KCND3: variants seen among roughly 807,000 people sequenced by gnomAD.
The protein encoded by KCND3 is potassium voltage-gated channel subfamily D member 3.
In KCND3, 9 loss-of-function variants were observed where a neutral mutation model predicts 51.1. That is an observed-to-expected ratio of 0.18 (90% CI 0.11 to 0.31). The LOEUF (loss-of-function observed/expected upper bound fraction) is 0.31, where lower values mean the gene tolerates loss of function less well. Ranked by LOEUF, KCND3 falls within the 10% of genes least tolerant of loss-of-function variation. KCND3 has a pLI of 1.00. For synonymous variants in KCND3, 349 were observed against 368.0 expected, an observed-to-expected ratio of 0.95 and a Z score of 0.59; for missense variants, 526 against 903.8, an observed-to-expected ratio of 0.58 and a Z score of 5.36.
intron 2 of KCND3, among the ~76,000 whole-genome samples, chr1:111,830,604 G>A (rs1204335561): frequency 6.6e-6 from 1 of 152,218 alleles, no homozygotes; most frequent in Admixed American, 6.5e-5. Context: ...GCGCCCTGCT[G>A]TGTAAGGCTG....
At chr1:111,875,246 T>C (rs986478928) in intron 2 of KCND3, among the ~76,000 whole-genome samples, 3 of 152,188 alleles carry the variant, frequency 2.0e-5, no homozygotes, top group Non-Finnish European at 4.4e-5. Context: ...AAATAATAAA[T>C]CAAATGTTTT....
intron 2 of KCND3, among the ~76,000 whole-genome samples, chr1:111,978,182 C>G (rs1309528069): frequency 6.6e-6 from 1 of 152,206 alleles, no homozygotes; most frequent in South Asian, 2.1e-4. Flanking sequence ...ACCTGAGTAA[C>G]TCATCAACGA....
At chr1:111,849,262 G>C (rs1054938444) in intron 2 of KCND3, among the ~76,000 whole-genome samples, 2 of 152,204 alleles carry the variant, frequency 1.3e-5, no homozygotes, top group Non-Finnish European at 1.5e-5. Flanking sequence ...CCCTTTTCCT[G>C]GTGAGCAGAA....
intron 2 of KCND3, among the ~76,000 whole-genome samples, chr1:111,876,067 C>T (rs183174042): frequency 2.4e-4 from 36 of 152,328 alleles, no homozygotes; most frequent in Non-Finnish European, 4.7e-4. Context: ...CACTACTCAA[C>T]TCGCAGGGAA....
intron 2 of KCND3, among the ~76,000 whole-genome samples, chr1:111,875,540 A>G (rs939066624): frequency 9.9e-5 from 15 of 152,236 alleles, no homozygotes; most frequent in Admixed American, 5.2e-4. Context: ...TGGGTCCCCA[A>G]GGGGACCCTG....
intron 2 of KCND3, among the ~76,000 whole-genome samples, chr1:111,801,965 G>A (rs1399734769): frequency 6.6e-6 from 1 of 152,250 alleles, no homozygotes; most frequent in Non-Finnish European, 1.5e-5. Context: ...AGGCTTTGGA[G>A]CCAGACAGAC....
chr1:111,947,004 C>A (rs903309648), intron 2 of KCND3, among the ~76,000 whole-genome samples: 1 of 152,092 alleles, frequency 6.6e-6, no homozygotes, highest in Non-Finnish European at 1.5e-5. Context: ...GTCTGAGTAT[C>A]CTTTAAGGTG....
At chr1:111,966,510 C>T (rs978243889) in intron 2 of KCND3, among the ~76,000 whole-genome samples, 6 of 152,128 alleles carry the variant, frequency 3.9e-5, no homozygotes, top group African/African-American at 1.4e-4. Context: ...TGCAAACGTC[C>T]TTGGCTGTTT....
intron 2 of KCND3, among the ~76,000 whole-genome samples, chr1:111,821,170 A>G (rs181548424): frequency 1.8e-4 from 27 of 152,346 alleles, no homozygotes; most frequent in Admixed American, 5.9e-4. Context: ...TTAGGTGCTC[A>G]GTAAATGCCT....
intron 2 of KCND3, among the ~76,000 whole-genome samples, chr1:111,904,676 A>T (rs1343878004): frequency 6.6e-6 from 1 of 152,128 alleles, no homozygotes; most frequent in African/African-American, 2.4e-5. Context: ...ACAGGCGAGA[A>T]TCGATGCTAC....
chr1:111,914,308 A>G (rs952050471), intron 2 of KCND3, among the ~76,000 whole-genome samples: 8 of 151,164 alleles, frequency 5.3e-5, no homozygotes, highest in African/African-American at 1.9e-4. Flanking sequence ...GGTGACCTGT[A>G]GGAAAGTAAC....
At chr1:111,778,951 C>T (rs1234347269) in intron 5 of KCND3, among the ~76,000 whole-genome samples, 1 of 152,194 alleles carries the variant, frequency 6.6e-6, no homozygotes, top group African/African-American at 2.4e-5. Flanking sequence ...CATATCCTTT[C>T]AATTTACACA....
At chr1:111,852,829 G>A (rs948690825) in intron 2 of KCND3, among the ~76,000 whole-genome samples, 1 of 152,218 alleles carries the variant, frequency 6.6e-6, no homozygotes, top group African/African-American at 2.4e-5. Context: ...TCTCAGGCAG[G>A]TGGGCTTGCC....
At chr1:111,826,379 C>T (rs561129127) in intron 2 of KCND3, among the ~76,000 whole-genome samples, 1 of 152,296 alleles carries the variant, frequency 6.6e-6, no homozygotes, top group African/African-American at 2.4e-5. Context: ...TAGAGTCTCT[C>T]ACTCCTTGTG....
chr1:111,878,714 G>A (rs1669170837), intron 2 of KCND3, among the ~76,000 whole-genome samples: 1 of 152,216 alleles, frequency 6.6e-6, no homozygotes, highest in Non-Finnish European at 1.5e-5. Context: ...CCCTGGAACA[G>A]CAGTTGAGGG....
chr1:111,895,485 C>T (rs1289950595), intron 2 of KCND3, among the ~76,000 whole-genome samples: 3 of 152,240 alleles, frequency 2.0e-5, no homozygotes, highest in Non-Finnish European at 4.4e-5. Context: ...ATATCTGTGA[C>T]ATAGCGAGCA....
rs1675036329 is a variant in KCND3 at position 111,982,768 on chromosome 1, G to A, written c.-42C>T. 1.9e-6 allele frequency: 3 copies of A among 1,573,416 alleles called. No individual in the cohort carries two copies. The highest frequency in any genetic ancestry group is 1.8e-5 in the Admixed American group (1 of 56,148). The stretch of plus-strand genomic sequence containing the variant: ...GGGCCGGCAGCCGCGCGGACGCTAG[G>A]CACACCAGCTTGGAGTTAGTTCAGC... On this transcript the variant is annotated 5_prime_UTR_variant, in exon 2 of 8. Transcript: ENST00000302127. This position sits in a 1 kb window ranked among gnomAD's most constrained non-coding sequence, Gnocchi z 8.5.
intron 2 of KCND3, among the ~76,000 whole-genome samples, chr1:111,854,855 C>T (rs12562380): frequency 2.6e-5 from 4 of 152,204 alleles, no homozygotes; most frequent in African/African-American, 9.6e-5. Flanking sequence ...CTCCTGGTGC[C>T]GGGCTACTCT....
At chr1:111,850,324 C>T (rs1040224766) in intron 2 of KCND3, among the ~76,000 whole-genome samples, 6 of 152,194 alleles carry the variant, frequency 3.9e-5, no homozygotes, top group African/African-American at 1.2e-4. Context: ...CTAAACAACC[C>T]GACTGACAGC....
Sources: allele counts gnomAD v4.1 joint callset (sites outside exome capture counted in the v4.1 genomes callset), GRCh38; gene constraint gnomAD v4.1.1; non-coding constraint Gnocchi (gnomAD v3.1); transcripts MANE v1.5; gene names NCBI Gene and HGNC (gene_info 2026-07-23, HGNC 2026-07-21).